The following TEP1 variants were observed in gnomAD, a reference collection of about 807,000 sequenced individuals.
The protein encoded by TEP1 is telomerase protein component 1.
In TEP1, 241 loss-of-function variants were observed where a neutral mutation model predicts 306.3. The ratio of observed to expected loss-of-function variants is 0.79; its 90% CI spans 0.71 to 0.88. The LOEUF (loss-of-function observed/expected upper bound fraction) is 0.88. TEP1 is among the 40% of genes least tolerant of loss of function. The pLI is 0.00. For synonymous variants in TEP1, 1,289 were observed against 1,305.5 expected, an observed-to-expected ratio of 0.99 and a Z score of 0.27; for missense variants, 3,051 against 3,276.1, an observed-to-expected ratio of 0.93 and a Z score of 1.68.
At chr14:20,396,967 T>G (rs553055657) in intron 9 of TEP1, among the ~76,000 whole-genome samples, 1 of 151,610 alleles carries the variant, frequency 6.6e-6, no homozygotes, top group Non-Finnish European at 1.5e-5. Context: ...ACCAGGCATG[T>G]GGAAAGTCCA....
At chr14:20,380,892 C>A (rs758805922) in intron 33 of TEP1, 39 bp downstream of exon 33, 12 of 1,560,462 alleles carry the variant, frequency 7.7e-6, no homozygotes, top group Non-Finnish European at 8.8e-6. Flanking sequence ...CCAGGAGTCC[C>A]ATATCTCAGA....
Position 20,379,986 on chromosome 14 carries a change from C to T in TEP1, c.5071G>A (p.Ala1691Thr), listed in dbSNP as rs375844673. The change falls in exon 35 of 55, where the codon GCA becomes ACA. Residue 1691 changes from alanine (A) to threonine (T), a missense_variant. Ala to Thr is a moderately conservative substitution (Grantham distance 58). Around this residue, in one of 3 missense-constraint regions of TEP1, gnomAD observed 1,540 missense variants for 1,705.9 expected, o/e 0.90. Transcript: ENST00000262715. ...AVAFSTNGQR[A>T]AVGTANGTVY... ...GTCCCATTGGCAGTGCCCACAGCTG[C>T]TCTTTGCCCATTGGTGGAGAAGGCC... is the stretch of plus-strand genomic sequence containing the variant. 3 of 1,614,016 alleles carry T rather than the reference C, an allele frequency of 1.9e-6. No individual in the cohort carries two copies. Among genetic ancestry groups the T allele is most frequent in the Admixed American group, 3.3e-5 (2 of 59,998 alleles).
chr14:20,382,769 C>A, intron 27 of TEP1, 54 bp from the exon 28 acceptor site: 1 of 1,559,856 alleles, frequency 6.4e-7, no homozygotes, highest in South Asian at 1.1e-5. Flanking sequence ...CGCAGCCAGC[C>A]CTCTGCCCCA....
Position 20,380,995 on chromosome 14 carries a change from A to G in TEP1, c.4698T>C (p.His1566=). The part of the protein sequence containing the change: ...GLLSKFLTNL[H]VVAAHLELGL... ...CCAATTCCAAGTGTGCAGCCACCAC[A>G]TGGAGGTTGGTAAGGAACTTCGAAA... The change falls in exon 33 of 55, where the codon CAT becomes CAC. Residue 1566 remains histidine (H), a synonymous_variant. Coordinates refer to ENST00000262715, the MANE Select transcript of TEP1 (RefSeq NM_007110.5). 6.2e-7 allele frequency: 1 copy of G among 1,614,146 alleles called. No homozygotes were observed. Among genetic ancestry groups the G allele is most frequent in the Non-Finnish European group, 8.5e-7 (1 of 1,180,024 alleles).
At position 20,391,031 on chromosome 14, in the gene TEP1, G is replaced by A. The variant is rs750329849; in HGVS notation, c.2163C>T (p.Val721=). The A allele has an allele frequency of 2.5e-6, 4 of 1,614,082 alleles. No homozygotes were observed. Among genetic ancestry groups the A allele is most frequent in the Admixed American group, 1.7e-5 (1 of 60,004 alleles). The change falls in exon 14 of 55, where the codon GTC becomes GTT. Residue 721 remains valine (V), a synonymous_variant. Coordinates refer to ENST00000262715, the MANE Select transcript of TEP1 (RefSeq NM_007110.5). ...TCAGAGTGTCACCTCCACACAGCAC[G>A]ACGTCCACCTGCTCCGCCCTCGTGA... ...MMITRAEQVD[V]VLCGGDTLKT... is the part of the protein sequence containing the mutation.
Position 20,386,525 on chromosome 14 carries a change from C to T in TEP1, c.2783G>A (p.Arg928Gln), listed in dbSNP as rs778221870. The T allele has an allele frequency of 5.0e-6, 8 of 1,612,870 alleles. No homozygotes were observed. Among genetic ancestry groups the T allele is most frequent in the Middle Eastern group, 1.7e-4 (1 of 6,048 alleles). ...LRSVLPALQA[R>Q]AAPHRISLHG... ...AAGGCTGATACGGTGAGGGGCCGCT[C>T]GGGCCTGCAGTGCTGGCAGCACAGA... The change falls in exon 19 of 55, where the codon CGA (arginine) becomes CAA (glutamine). Residue 928 changes from arginine (R) to glutamine (Q), a missense_variant. Arg to Gln is a conservative substitution (Grantham distance 43, BLOSUM62 1). Coordinates refer to ENST00000262715, the MANE Select transcript of TEP1 (RefSeq NM_007110.5).
chr14:20,379,120 G>A lies in TEP1; in HGVS notation c.5128-15C>T, dbSNP rs766127310. 1.9e-6 allele frequency: 3 copies of A among 1,613,330 alleles called. No individual in the cohort carries two copies. In the South Asian group the frequency reaches 3.3e-5, roughly 18 times the overall value. The stretch of plus-strand genomic sequence containing the variant: ...GACTTCTCCTCCTGCGACAGTGGGT[G>A]AGGGAGCGCAGCTCAGGCCATCCCC... On this transcript the variant is annotated splice_polypyrimidine_tract_variant and intron_variant, in intron 35 of 54. Coordinates refer to ENST00000262715, the MANE Select transcript of TEP1 (RefSeq NM_007110.5).
At position 20,382,015 on chromosome 14, in the gene TEP1, A is replaced by G. The variant is rs756583921; in HGVS notation, c.4322T>C (p.Leu1441Pro). The G allele has an allele frequency of 4.3e-6, 7 of 1,614,012 alleles. No individual in the cohort carries two copies. The South Asian group carries it at 5.5e-5, about 13-fold the overall frequency. The change falls in exon 30 of 55, where the codon CTA becomes CCA. Residue 1441 changes from leucine (L) to proline (P), a missense_variant. This residue lies in a region of TEP1 where 1,540 missense variants were observed against 1,705.9 expected (regional missense o/e 0.90). Transcript: ENST00000262715. ...LHGVLSVWRTLPKGTKSWEEA... is the reference protein window; with the variant it reads ...LHGVLSVWRTPPKGTKSWEEA... ...TTCCCAGCTCTTAGTCCCCTTCGGT[A>G]GTGTCCGCCACACACTCAGCACTCC... is the stretch of plus-strand genomic sequence containing the variant.
intron 19 of TEP1, 30 bp downstream of exon 19, chr14:20,386,417 C>T: frequency 6.3e-7 from 1 of 1,583,586 alleles, no homozygotes. Flanking sequence ...TCATCCCCGA[C>T]CCAGCCCCTC....
At chr14:20,388,180 G>T in intron 17 of TEP1, 117 bp from the exon 18 acceptor site, 1 of 1,107,232 alleles carries the variant, frequency 9.0e-7, no homozygotes, top group Non-Finnish European at 1.3e-6. Flanking sequence ...GTTAAGTCAA[G>T]CTCCTTAAGA....
intron 1 of TEP1, among the ~76,000 whole-genome samples, chr14:20,408,726 G>A (rs1879403642): frequency 6.6e-6 from 1 of 152,078 alleles, no homozygotes; most frequent in Non-Finnish European, 1.5e-5. Context: ...CCAACACTTT[G>A]GGAGCTGAGG....
chr14:20,381,239 T>C lies in TEP1; in HGVS notation c.4647+74A>G. ...ATGGCGGCGGTGATGGTGGAGATGGTAACGGGGAGAGGGGTCTCAGAGCAA... is the reference window on the plus strand; with the variant it reads ...ATGGCGGCGGTGATGGTGGAGATGGCAACGGGGAGAGGGGTCTCAGAGCAA... On this transcript the variant is annotated intron_variant, in intron 32 of 54. Transcript: ENST00000262715. The surrounding 1 kb of genome is among the most constrained non-coding windows in gnomAD (Gnocchi z 4.0). The C allele has an allele frequency of 6.8e-7, 1 of 1,464,736 alleles. No homozygotes were observed. Among genetic ancestry groups the C allele is most frequent in the East Asian group, 2.3e-5 (1 of 44,002 alleles). The allele number at this position is 1,464,736 out of a possible 1,614,324, so 90.7% of individuals were successfully genotyped here. A position where few individuals can be genotyped will look rare whatever the true frequency, so the allele number is the denominator to read the frequency against.
chr14:20,394,566 G>A (rs1046317132), intron 12 of TEP1, among the ~76,000 whole-genome samples: 3 of 138,502 alleles, frequency 2.2e-5, no homozygotes, highest in Non-Finnish European at 3.0e-5. Context: ...AGCAACCTCC[G>A]CCTCCCGGGT....
In TEP1 at chr14:20,403,730, C is replaced by G; in HGVS notation, c.1187G>C (p.Arg396Pro). 1 of 1,613,466 alleles carries G rather than the reference C, an allele frequency of 6.2e-7. No individual in the cohort carries two copies. The change falls in exon 6 of 55, where the codon CGC becomes CCC. Residue 396 changes from arginine to proline, a missense_variant. By Grantham distance (103) the Arg-to-Pro change is moderately radical. Coordinates refer to ENST00000262715, the MANE Select transcript of TEP1 (RefSeq NM_007110.5). ...RAKRHPRRPP[R>P]SPGMEPPFSH... Reference sequence around the variant, plus strand: ...GCTGGGGCAGTGACTGACTGGAGAGCGGGGTGGCCGGCGGGGGTGTCTCTT... The same window carrying G: ...GCTGGGGCAGTGACTGACTGGAGAGGGGGGTGGCCGGCGGGGGTGTCTCTT...
At position 20,368,521 on chromosome 14, in the gene TEP1, C is replaced by T. The variant is rs1179678608; in HGVS notation, c.7800G>A (p.Leu2600=). 2 of 1,614,170 alleles carry T rather than the reference C, an allele frequency of 1.2e-6. No individual in the cohort carries two copies. The highest frequency in any genetic ancestry group is 1.7e-6 in the Non-Finnish European group (2 of 1,180,036). The change falls in exon 55 of 55, where the codon CTG becomes CTA. Residue 2600 remains leucine, a synonymous_variant. Transcript: ENST00000262715. ...TGGAGTTAGCGCCCAGCCAAGGTTC[C>T]AGGCAGCTCACTGACCCTTCGCATC... The part of the protein sequence containing the change: ...LFRCEGSVSC[L]EPWLGANSTL...
In TEP1 at chr14:20,389,306, GGAA is replaced by G. The variant is rs1391866026; in HGVS notation, c.2466-12_2466-10del. 1.2e-6 allele frequency: 2 copies of G among 1,614,172 alleles called. No individual in the cohort carries two copies. The highest frequency in any genetic ancestry group is 4.5e-5 in the East Asian group (2 of 44,892). On this transcript the variant is annotated splice_polypyrimidine_tract_variant and intron_variant, in intron 16 of 54. Coordinates refer to ENST00000262715, the MANE Select transcript of TEP1 (RefSeq NM_007110.5). ...GATTCAAATCTGTTGACCTGGCAAA[GGAA>G]GAAGCAGTCATTAACCATCACAAAC...
In TEP1 at chr14:20,381,562, G is replaced by A; in HGVS notation, c.4549C>T (p.Leu1517Phe). The change falls in exon 31 of 55, where the codon CTC becomes TTC. Residue 1517 changes from leucine (L) to phenylalanine (F), a missense_variant. This residue lies in a region of TEP1 where 1,540 missense variants were observed against 1,705.9 expected (regional missense o/e 0.90). Transcript: ENST00000262715. This position sits in a 1 kb window ranked among gnomAD's most constrained non-coding sequence, Gnocchi z 4.0. ...RPGLEDTAHI[L>F]IAAQLWKTCD... ...CTTGGGCTGCAATCACCTGCAATGA[G>A]GATGTGTGCCGTGTCCTCTAGCCCT... The A allele has an allele frequency of 6.2e-7, 1 of 1,613,736 alleles. No individual in the cohort carries two copies. Among genetic ancestry groups the A allele is most frequent in the Non-Finnish European group, 8.5e-7 (1 of 1,180,028 alleles).
At chr14:20,399,734 C>T (rs1878512414) in intron 9 of TEP1, among the ~76,000 whole-genome samples, 2 of 151,194 alleles carry the variant, frequency 1.3e-5, no homozygotes, top group African/African-American at 2.4e-5. Context: ...ACACTAGCCA[C>T]CACGGGATTA....
Position 20,366,530 on chromosome 14 carries a change from G to A in TEP1, c.*1907C>T, listed in dbSNP as rs1174179375. On this transcript the variant is annotated 3_prime_UTR_variant, in exon 55 of 55. Transcript: ENST00000262715. ...GCTTGGCATGAGGCACATAAGAGAA[G>A]ACAGAAGCATGGCCTATCAGCGGAT... 1 of 152,204 alleles carries A rather than the reference G, an allele frequency of 6.6e-6. No homozygotes were observed. Among genetic ancestry groups the A allele is most frequent in the Non-Finnish European group, 1.5e-5 (1 of 68,034 alleles). The allele number at this position is 152,204 out of a possible 1,614,324, so 9.4% of individuals were successfully genotyped here. A position where few individuals can be genotyped will look rare whatever the true frequency, so the allele number is the denominator to read the frequency against.
Sources: allele counts gnomAD v4.1 joint callset (sites outside exome capture counted in the v4.1 genomes callset), GRCh38; gene constraint gnomAD v4.1.1; regional missense constraint gnomAD v4.1.1; non-coding constraint Gnocchi (gnomAD v3.1); transcripts MANE v1.5; gene names NCBI Gene and HGNC (gene_info 2026-07-23, HGNC 2026-07-21).